PIGN: variants seen among roughly 807,000 people sequenced by gnomAD.
The protein encoded by PIGN is phosphatidylinositol glycan anchor biosynthesis class N.
PIGN carries 117 observed loss-of-function variants against 125.4 expected under a neutral mutation model. The ratio of observed to expected loss-of-function variants is 0.93; its 90% confidence interval spans 0.80 to 1.09. The LOEUF is 1.09. Ranked by LOEUF, PIGN falls within the 50% of genes least tolerant of loss-of-function variation. PIGN has a pLI of 0.00. For synonymous variants in PIGN, 392 were observed against 377.8 expected, an observed-to-expected ratio of 1.04 and a Z score of -0.44; for missense variants, 1,075 against 1,094.9, an observed-to-expected ratio of 0.98 and a Z score of 0.26.
rs1045416884 is a variant in PIGN at position 62,098,147 on chromosome 18, T to C, written c.2078-2197A>G. On this transcript the variant is annotated intron_variant, in intron 22 of 30. Transcript: ENST00000640252. Reference sequence around the variant, plus strand: ...TTCCCTGAGCATAGTGCCTAGCACATAGTGCTTAGTAACTGTTAACTGTGG... The same window carrying C: ...TTCCCTGAGCATAGTGCCTAGCACACAGTGCTTAGTAACTGTTAACTGTGG... Among the ~76,000 whole-genome samples, 41 of 152,246 alleles carry C rather than the reference T, an allele frequency of 2.7e-4. 1 individual carries two copies. Among genetic ancestry groups the C allele is most frequent in the African/African-American group, 9.9e-4 (41 of 41,478 alleles).
intron 11 of PIGN, among the ~76,000 whole-genome samples, chr18:62,142,446 AT>A (rs36109845): frequency 0.3 from 45,619 of 152,088 alleles, 7,953 homozygotes; most frequent in East Asian, 0.55. Context: ...TTTGACAGTG[AT>A]TTTTAATGGC....
intron 23 of PIGN, among the ~76,000 whole-genome samples, chr18:62,031,950 C>T (rs921151489): frequency 9.9e-5 from 15 of 152,164 alleles, no homozygotes; most frequent in African/African-American, 3.6e-4. Context: ...TTAAGGCTCT[C>T]GGGGTGGATC....
chr18:62,182,130 C>T (rs1456402486), intron 1 of PIGN, among the ~76,000 whole-genome samples: 1 of 152,190 alleles, frequency 6.6e-6, no homozygotes, highest in Non-Finnish European at 1.5e-5. Flanking sequence ...TCTATCTGAT[C>T]ACTAAATTTT....
At chr18:62,021,377 A>C (rs556900105) in intron 23 of PIGN, among the ~76,000 whole-genome samples, 24 of 152,236 alleles carry the variant, frequency 1.6e-4, no homozygotes, top group Non-Finnish European at 3.2e-4. Context: ...AGTTTTATAG[A>C]TACAGCCAGA....
chr18:62,085,159 G>C, intron 26 of PIGN, 50 bp downstream of exon 26: 1 of 1,004,452 alleles, frequency 1.0e-6, no homozygotes, highest in African/African-American at 1.6e-5. Flanking sequence ...GAAGTCCCAG[G>C]TTGCATTATT....
At chr18:62,061,511 CAAAAAAAAAAAAAAAAAA>C (rs373391589) in intron 30 of PIGN, among the ~76,000 whole-genome samples, 4 of 33,238 alleles carry the variant, frequency 1.2e-4, no homozygotes, top group African/African-American at 3.3e-4. Context: ...GACTCCGTCT[CAAAAAAAAAAAAAAAAAA>C]AAAAAAAAAT....
intron 13 of PIGN, among the ~76,000 whole-genome samples, chr18:62,138,723 A>G (rs1167083525): frequency 6.6e-6 from 1 of 152,232 alleles, no homozygotes; most frequent in Non-Finnish European, 1.5e-5. Flanking sequence ...TAATAGTTAA[A>G]GAATTGACTT....
At chr18:62,114,159 C>G (rs1457403957) in intron 15 of PIGN, among the ~76,000 whole-genome samples, 1 of 152,092 alleles carries the variant, frequency 6.6e-6, no homozygotes, top group African/African-American at 2.4e-5. Context: ...GTCAGAAGTT[C>G]AAGACCAGCC....
intron 23 of PIGN, among the ~76,000 whole-genome samples, chr18:62,024,167 G>C (rs2030087437): frequency 6.6e-6 from 1 of 152,074 alleles, no homozygotes; most frequent in African/African-American, 2.4e-5. Flanking sequence ...CCTTTATTTT[G>C]GATATACATT....
chr18:62,125,898 C>A (rs1389006397), intron 14 of PIGN, among the ~76,000 whole-genome samples: 1 of 152,082 alleles, frequency 6.6e-6, no homozygotes, highest in East Asian at 1.9e-4. Context: ...TGACATCATA[C>A]ATAACTCACA....
Position 62,124,197 on chromosome 18 carries a change from C to A in PIGN, c.1173-9558G>T, listed in dbSNP as rs17069486. Among the ~76,000 whole-genome samples, 954 of 152,188 alleles carry A rather than the reference C, an allele frequency of 6.3e-3. 20 individuals carry two copies. The East Asian group carries it at 0.064, about 10-fold the overall frequency. On this transcript the variant is annotated intron_variant, in intron 14 of 30. Transcript: ENST00000640252. ...ATTTTGAGAAAAATGATTAAATAAA[C>A]CACAGCAACATTAGTAGACCAAGCA...
At chr18:62,172,579 G>A (rs1202934949) in intron 1 of PIGN, among the ~76,000 whole-genome samples, 1 of 151,860 alleles carries the variant, frequency 6.6e-6, no homozygotes, top group Non-Finnish European at 1.5e-5. Flanking sequence ...ATGCAAATGT[G>A]CATTTGTAAA....
intron 29 of PIGN, 65 bp from the exon 30 acceptor site, chr18:62,072,790 T>C: frequency 8.0e-7 from 1 of 1,244,382 alleles, no homozygotes; most frequent in Non-Finnish European, 1.1e-6. Flanking sequence ...AAAACAAAGC[T>C]ATTTTAGGAC....
In PIGN at chr18:62,042,938, A is replaced by C. The variant is rs546297132; in HGVS notation, c.*2918T>G. 2.3e-3 allele frequency: 352 copies of C among 150,946 alleles called. No homozygotes were observed. The highest frequency in any genetic ancestry group is 8.1e-3 in the African/African-American group (332 of 41,192). The allele number at this position is 150,946 out of a possible 1,614,324, so 9.4% of individuals were successfully genotyped here. On this transcript the variant is annotated 3_prime_UTR_variant, in exon 31 of 31. Transcript: ENST00000640252. ...AAACAAAAACGAAAAAAAAAAAAAC[A>C]AAAAACCATGCTTATACAGAAATGG...
downstream of PIGN, among the ~76,000 whole-genome samples, chr18:62,037,053 CT>C (rs1888807228): frequency 6.6e-6 from 1 of 152,188 alleles, no homozygotes; most frequent in South Asian, 2.1e-4. Context: ...CAATGTCTTA[CT>C]TTAACTCATG....
chr18:62,022,483 C>T (rs918886052), intron 23 of PIGN, among the ~76,000 whole-genome samples: 3 of 152,198 alleles, frequency 2.0e-5, no homozygotes, highest in Admixed American at 1.3e-4. Context: ...AGAGAATTTT[C>T]TGCTAAGCTG....
chr18:62,173,285 C>A (rs936694017), intron 1 of PIGN, among the ~76,000 whole-genome samples: 3 of 152,238 alleles, frequency 2.0e-5, no homozygotes, highest in Non-Finnish European at 2.9e-5. Flanking sequence ...AGTAGCCTCA[C>A]TCTGCCACCC....
intron 1 of PIGN, among the ~76,000 whole-genome samples, chr18:62,166,321 G>C (rs945118698): frequency 6.6e-6 from 1 of 152,172 alleles, no homozygotes; most frequent in Admixed American, 6.5e-5. Context: ...ACCAACTAAA[G>C]GTTCTTCTGA....
chr18:62,105,962 A>C (rs985593787), intron 19 of PIGN, among the ~76,000 whole-genome samples: 1 of 152,192 alleles, frequency 6.6e-6, no homozygotes, highest in African/African-American at 2.4e-5. Context: ...AGAGAAGTTA[A>C]AATATAAGTA....
Sources: gnomAD v4.1 joint callset for allele counts (sites outside exome capture counted in the v4.1 genomes callset) on GRCh38, gnomAD v4.1.1 for gene constraint, MANE v1.5 for transcripts, NCBI Gene and HGNC (gene_info 2026-07-23, HGNC 2026-07-21) for gene names.